The following EPSTI1 variants were observed in gnomAD, a reference collection of about 807,000 sequenced individuals.
EPSTI1 encodes epithelial stromal interaction 1, also known as epithelial-stromal interaction protein 1.
Under a neutral mutation model 49.9 loss-of-function variants are expected in EPSTI1, and 66 were observed. That is an observed-to-expected ratio of 1.32 (90% CI 1.08 to 1.62). EPSTI1 has a LOEUF of 1.62. EPSTI1 is among the 40% of genes most tolerant of loss of function. The pLI is 0.00. For synonymous variants in EPSTI1, 137 were observed against 130.7 expected (o/e 1.05, Z -0.33); for missense variants, 394 against 365.5 (o/e 1.08, Z -0.64).
chr13:42,955,872 G>A (rs1280264136), intron 5 of EPSTI1, among the ~76,000 whole-genome samples: 1 of 24,484 alleles, frequency 4.1e-5, no homozygotes, highest in Non-Finnish European at 1.2e-4. Context: ...TGATGAAGAA[G>A]TATTTGGGGG....
chr13:42,985,437 G>T lies in EPSTI1; in HGVS notation c.188+6541C>A, dbSNP rs1253121145. Among the ~76,000 whole-genome samples, 3 of 152,088 alleles carry T rather than the reference G, an allele frequency of 2.0e-5. No homozygotes were observed. In the East Asian group the frequency reaches 5.8e-4, roughly 30 times the overall value. ...AGTTGTAGTTTTTGCAGAGCCTTTT[G>T]TGAGAGTTCTTGTTATGAGGCATAT... On this transcript the variant is annotated intron_variant, in intron 1 of 10. Coordinates refer to ENST00000313624, the MANE Select transcript of EPSTI1 (RefSeq NM_033255.5).
At chr13:42,989,726 T>C (rs1324803214) in intron 1 of EPSTI1, among the ~76,000 whole-genome samples, 1 of 151,738 alleles carries the variant, frequency 6.6e-6, no homozygotes. Flanking sequence ...CCCAAGTAGC[T>C]GGGACTACAG....
chr13:42,888,462 T>C lies in EPSTI1; in HGVS notation c.*32A>G, dbSNP rs769004407. On this transcript the variant is annotated 3_prime_UTR_variant, in exon 11 of 11. Coordinates refer to ENST00000313624, the MANE Select transcript of EPSTI1 (RefSeq NM_033255.5). The stretch of plus-strand genomic sequence containing the variant: ...ATCTCATGAGGCTTTTCGAGGTCAG[T>C]TGATGAAGGCCAGATAGGAGTCAAT... 18 of 1,613,918 alleles carry C rather than the reference T, an allele frequency of 1.1e-5. No individual in the cohort carries two copies. The highest frequency in any genetic ancestry group is 1.6e-4 in the Middle Eastern group (1 of 6,084).
chr13:42,957,215 A>G (rs1181205629), intron 5 of EPSTI1, among the ~76,000 whole-genome samples: 1 of 152,260 alleles, frequency 6.6e-6, no homozygotes, highest in East Asian at 1.9e-4. Flanking sequence ...ATTTAAGAGC[A>G]CCAGAATGAA....
chr13:42,958,505 C>T (rs1327461541), intron 5 of EPSTI1, among the ~76,000 whole-genome samples: 1 of 152,130 alleles, frequency 6.6e-6, no homozygotes, highest in Non-Finnish European at 1.5e-5. Context: ...GATAGAGAAG[C>T]AAGGTCCCTG....
chr13:42,939,993 T>C (rs1032807631), intron 6 of EPSTI1, among the ~76,000 whole-genome samples: 1 of 152,232 alleles, frequency 6.6e-6, no homozygotes, highest in Admixed American at 6.5e-5. Context: ...TTCTCTTGCC[T>C]TCTCAAATCT....
At position 42,895,104 on chromosome 13, in the gene EPSTI1, T is replaced by C. The variant is rs1208636790; in HGVS notation, c.820A>G (p.Asn274Asp). Residue 274 changes from asparagine to aspartate, a missense_variant, in exon 10 of 11, where the codon AAT (asparagine) becomes GAT (aspartate). Transcript: ENST00000313624. ...KIHQTEHRRVNNAFLDRLQGK... is the reference protein window; with the variant it reads ...KIHQTEHRRVDNAFLDRLQGK... ...TGGAGTCGGTCCAGAAAAGCATTAT[T>C]TACCCTTTAAAACAATGAAAAATGT... 1.9e-6 allele frequency: 3 copies of C among 1,611,548 alleles called. No individual in the cohort carries two copies. Among genetic ancestry groups the C allele is most frequent in the South Asian group, 1.1e-5 (1 of 90,416 alleles).
chr13:42,979,143 G>T (rs2039936814), intron 1 of EPSTI1, among the ~76,000 whole-genome samples: 1 of 151,982 alleles, frequency 6.6e-6, no homozygotes, highest in Admixed American at 6.6e-5. Flanking sequence ...TACAGAAAAC[G>T]GCACAAATTT....
At chr13:42,940,371 G>A (rs964969191) in intron 6 of EPSTI1, among the ~76,000 whole-genome samples, 2 of 152,154 alleles carry the variant, frequency 1.3e-5, no homozygotes, top group Non-Finnish European at 2.9e-5. Context: ...GTACCATTAT[G>A]TTCTCTTACC....
intron 10 of EPSTI1, among the ~76,000 whole-genome samples, chr13:42,892,144 G>T (rs762669149): frequency 7.2e-5 from 11 of 152,140 alleles, no homozygotes; most frequent in Non-Finnish European, 1.6e-4. Context: ...TGAAGAAGGA[G>T]AGCAGCAGGA....
intron 6 of EPSTI1, among the ~76,000 whole-genome samples, chr13:42,943,498 G>A (rs1424944806): frequency 1.3e-5 from 2 of 152,148 alleles, no homozygotes; most frequent in African/African-American, 4.8e-5. Context: ...TATATGTGAG[G>A]AAACGAGGCC....
Position 42,981,826 on chromosome 13 carries a change from A to G in EPSTI1, c.188+10152T>C, listed in dbSNP as rs74523716. Among the ~76,000 whole-genome samples, 790 of 152,320 alleles carry G rather than the reference A, an allele frequency of 5.2e-3. 24 individuals carry two copies. The East Asian group carries it at 0.066, about 13-fold the overall frequency. On this transcript the variant is annotated intron_variant, in intron 1 of 10. Coordinates refer to ENST00000313624, the MANE Select transcript of EPSTI1 (RefSeq NM_033255.5). ...TGTCAGAGTACATCACATATAATAA[A>G]GGTGAAAATTGTTTTGTGAAATTTT...
chr13:42,992,029 G>A lies in EPSTI1; in HGVS notation c.137C>T (p.Ala46Val). ...PVEDQREGLEAAPKGPSRESV... is the reference protein window; with the variant it reads ...PVEDQREGLEVAPKGPSRESV... Reference sequence around the variant, plus strand: ...CTCCCGCGAAGGGCCCTTAGGGGCTGCCTCCAAACCCTCTCTCTGGTCTTC... The same window carrying A: ...CTCCCGCGAAGGGCCCTTAGGGGCTACCTCCAAACCCTCTCTCTGGTCTTC... The change falls in exon 1 of 11, where the codon GCA becomes GTA. Residue 46 changes from alanine (A) to valine (V), a missense_variant. By Grantham distance (64) the Ala-to-Val change is moderately conservative (BLOSUM62 0). Transcript: ENST00000313624. The A allele has an allele frequency of 6.2e-7, 1 of 1,613,552 alleles. No homozygotes were observed. The highest frequency in any genetic ancestry group is 2.2e-5 in the East Asian group (1 of 44,876).
chr13:42,985,016 G>T (rs1236486765), intron 1 of EPSTI1, among the ~76,000 whole-genome samples: 1 of 152,140 alleles, frequency 6.6e-6, no homozygotes, highest in Non-Finnish European at 1.5e-5. Flanking sequence ...ACCAAGATGG[G>T]GTTAGACAAG....
At chr13:42,990,541 T>C (rs1315771301) in intron 1 of EPSTI1, among the ~76,000 whole-genome samples, 1 of 152,248 alleles carries the variant, frequency 6.6e-6, no homozygotes, top group Non-Finnish European at 1.5e-5. Flanking sequence ...TGACCTTTGT[T>C]ACTGTTAAGT....
intron 5 of EPSTI1, among the ~76,000 whole-genome samples, chr13:42,957,605 T>A (rs1021237578): frequency 6.6e-6 from 1 of 152,234 alleles, no homozygotes; most frequent in African/African-American, 2.4e-5. Flanking sequence ...AGACAAGGTC[T>A]TGCTCTGTCA....
intron 8 of EPSTI1, among the ~76,000 whole-genome samples, chr13:42,909,772 G>T (rs1437789153): frequency 6.6e-6 from 1 of 152,106 alleles, no homozygotes; most frequent in Non-Finnish European, 1.5e-5. Context: ...CAGAGGCTGG[G>T]GGGGTTAGGA....
At chr13:42,903,691 A>G (rs1403582361) in intron 8 of EPSTI1, among the ~76,000 whole-genome samples, 1 of 152,234 alleles carries the variant, frequency 6.6e-6, no homozygotes, top group Non-Finnish European at 1.5e-5. Context: ...ATGATGATGG[A>G]CTAGCCGACT....
chr13:42,983,258 T>C (rs2040017687), intron 1 of EPSTI1, among the ~76,000 whole-genome samples: 1 of 152,130 alleles, frequency 6.6e-6, no homozygotes, highest in Admixed American at 6.5e-5. Flanking sequence ...TTCTCTTTTC[T>C]TAATGTCAAT....
Sources: allele counts gnomAD v4.1 joint callset (sites outside exome capture counted in the v4.1 genomes callset), GRCh38; gene constraint gnomAD v4.1.1; transcripts MANE v1.5; gene names NCBI Gene and HGNC (gene_info 2026-07-23, HGNC 2026-07-21).